The following ZNF624 variants were observed in gnomAD, a reference collection of about 807,000 sequenced individuals.
ZNF624 encodes zinc finger protein 624.
In ZNF624, 43 loss-of-function variants were observed where a neutral mutation model predicts 74.7. The observed-to-expected ratio is 0.58, with a 90% CI of 0.45 to 0.74. The LOEUF is 0.74. Ranked by LOEUF, ZNF624 falls within the 30% of genes least tolerant of loss-of-function variation. ZNF624 has a pLI of 0.00. For missense variants in ZNF624, 820 were observed against 1,030.0 expected (o/e 0.80, Z 2.79); for synonymous variants, 331 against 341.3 (o/e 0.97, Z 0.33).
At chr17:16,648,575 G>T (rs1909648035) in intron 2 of ZNF624, among the ~76,000 whole-genome samples, 1 of 152,182 alleles carries the variant, frequency 6.6e-6, no homozygotes, top group South Asian at 2.1e-4. Context: ...TATTTTAAAG[G>T]ACTATTTACA....
chr17:16,616,004 A>G (rs1333846384), downstream of ZNF624, among the ~76,000 whole-genome samples: 1 of 127,856 alleles, frequency 7.8e-6, no homozygotes, highest in Non-Finnish European at 1.7e-5. Flanking sequence ...TATATGAATG[A>G]GATATACCAT....
downstream of ZNF624, chr17:16,617,372 T>C (rs1227974138): frequency 1.2e-5 from 20 of 1,613,480 alleles, no homozygotes; most frequent in Admixed American, 1.8e-4. Context: ...CTGCCATTTA[T>C]TTCTGTGCCA....
rs1003740798 is a variant in ZNF624, at chr17:16,624,246, C to G, written c.640G>C (p.Gly214Arg). The G allele has an allele frequency of 1.2e-6, 2 of 1,614,200 alleles. No individual in the cohort carries two copies. The highest frequency in any genetic ancestry group is 1.7e-6 in the Non-Finnish European group (2 of 1,180,040). Residue 214 changes from glycine (G) to arginine (R), a missense_variant, in exon 6 of 6, where the codon GGC becomes CGC. Physicochemically the swap from Gly to Arg is moderately radical, Grantham distance 125. Transcript: ENST00000311331. ...RFESILIPEP[G>R]IATEELHSRC... The stretch of plus-strand genomic sequence containing the variant: ...CTGTGAAGCTCTTCTGTGGCAATGC[C>G]TGGTTCTGGAATAAGAATAGATTCA...
chr17:16,625,740 T>A (rs1251067882), intron 5 of ZNF624, among the ~76,000 whole-genome samples: 1 of 152,176 alleles, frequency 6.6e-6, no homozygotes, highest in Non-Finnish European at 1.5e-5. Context: ...CCTAAGAACA[T>A]TTCTGACAGT....
At chr17:16,652,056 T>C (rs1909738127) in intron 1 of ZNF624, among the ~76,000 whole-genome samples, 1 of 152,058 alleles carries the variant, frequency 6.6e-6, no homozygotes, top group South Asian at 2.1e-4. Flanking sequence ...AAGGAATTAC[T>C]TAATGGGTAT....
At chr17:16,634,246 T>G (rs753303136) in intron 4 of ZNF624, among the ~76,000 whole-genome samples, 6 of 152,186 alleles carry the variant, frequency 3.9e-5, no homozygotes, top group Non-Finnish European at 8.8e-5. Flanking sequence ...TTTTAGACAA[T>G]TACAAAGACA....
chr17:16,649,104 T>G (rs1049874060), intron 2 of ZNF624, among the ~76,000 whole-genome samples: 2 of 152,198 alleles, frequency 1.3e-5, no homozygotes, highest in Non-Finnish European at 2.9e-5. Context: ...ATAATGTAAT[T>G]ATTACTTTTG....
chr17:16,642,062 G>A (rs548494103), intron 3 of ZNF624, among the ~76,000 whole-genome samples: 2 of 152,114 alleles, frequency 1.3e-5, no homozygotes, highest in East Asian at 1.9e-4. Context: ...TTAATCTTGC[G>A]AATATAGCAT....
At chr17:16,637,642 G>C (rs1166124596) in intron 3 of ZNF624, among the ~76,000 whole-genome samples, 1 of 152,176 alleles carries the variant, frequency 6.6e-6, no homozygotes, top group Non-Finnish European at 1.5e-5. Flanking sequence ...AAAAAATGGT[G>C]CTCGGAAAAC....
chr17:16,624,654 A>G (rs1341973665), intron 5 of ZNF624, 145 bp from the exon 6 acceptor site: 4 of 770,544 alleles, frequency 5.2e-6, no homozygotes, highest in Non-Finnish European at 7.8e-6. Flanking sequence ...TAGTGAGAAG[A>G]AGGTAGGGTT....
intron 5 of ZNF624, among the ~76,000 whole-genome samples, chr17:16,629,549 TTTTA>T (rs1569043005): frequency 6.6e-6 from 1 of 151,894 alleles, no homozygotes; most frequent in Admixed American, 6.6e-5. Context: ...TTATATTTAT[TTTTA>T]TTTATTTATT....
chr17:16,652,565 GTTTTA>G (rs1175963228), intron 1 of ZNF624, among the ~76,000 whole-genome samples: 3 of 130,882 alleles, frequency 2.3e-5, no homozygotes, highest in East Asian at 2.8e-4. Context: ...TAAATCCCTT[GTTTTA>G]TTTTATAATT....
At chr17:16,648,436 A>G (rs1445403013) in intron 2 of ZNF624, among the ~76,000 whole-genome samples, 1 of 152,278 alleles carries the variant, frequency 6.6e-6, no homozygotes, top group Non-Finnish European at 1.5e-5. Context: ...CAGATTCCAG[A>G]AAATTAATGA....
chr17:16,617,784 A>G (rs552184456), downstream of ZNF624: 25 of 1,611,442 alleles, frequency 1.6e-5, no homozygotes, highest in Non-Finnish European at 2.0e-5. Context: ...GCCATTTTTG[A>G]GGTCTACTTC....
intron 1 of ZNF624, among the ~76,000 whole-genome samples, chr17:16,650,118 C>T (rs937324622): frequency 6.6e-6 from 1 of 152,122 alleles, no homozygotes; most frequent in Non-Finnish European, 1.5e-5. Flanking sequence ...AAGCCCATAC[C>T]TTTTCCACTG....
At chr17:16,649,405 T>TA (rs1428929694) in intron 2 of ZNF624, among the ~76,000 whole-genome samples, 4 of 152,168 alleles carry the variant, frequency 2.6e-5, no homozygotes, top group Non-Finnish European at 5.9e-5. Flanking sequence ...ATATCAAAAT[T>TA]AAAGATGCCT....
In ZNF624 at chr17:16,623,435, T is replaced by G; in HGVS notation, c.1451A>C (p.Asn484Thr). The G allele has an allele frequency of 6.2e-7, 1 of 1,614,044 alleles. No individual in the cohort carries two copies. The highest frequency in any genetic ancestry group is 8.5e-7 in the Non-Finnish European group (1 of 1,179,964). Residue 484 changes from asparagine to threonine, a missense_variant, in exon 6 of 6, where the codon AAT becomes ACT. Asn to Thr is a moderately conservative substitution (Grantham distance 65). Coordinates refer to ENST00000311331, the MANE Select transcript of ZNF624 (RefSeq NM_020787.4). The surrounding 1 kb of genome is among the most constrained non-coding windows in gnomAD (Gnocchi z 5.3). ...TCTTATATGTACGATAAGGCTTGAA[T>G]TACTTCTATAGGCTTTTCCACATTC... is the stretch of plus-strand genomic sequence containing the variant. ...CNECGKAYRS[N>T]SSLIVHIRTH...
At chr17:16,634,865 A>G in intron 3 of ZNF624, 109 bp from the exon 4 acceptor site, 1 of 1,009,532 alleles carries the variant, frequency 9.9e-7, no homozygotes, top group Non-Finnish European at 1.4e-6. Flanking sequence ...TCACCAAATG[A>G]TCATGTAGGT....
chr17:16,647,214 C>T (rs1909614170), intron 3 of ZNF624, 115 bp downstream of exon 3: 1 of 947,262 alleles, frequency 1.1e-6, no homozygotes, highest in East Asian at 2.5e-5. Flanking sequence ...CCTGGGGCTA[C>T]CACACCAATC....
Sources: gnomAD v4.1 joint callset for allele counts (sites outside exome capture counted in the v4.1 genomes callset) on GRCh38, gnomAD v4.1.1 for gene constraint, Gnocchi (gnomAD v3.1) non-coding constraint, MANE v1.5 for transcripts, NCBI Gene and HGNC (gene_info 2026-07-23, HGNC 2026-07-21) for gene names.